NCBP3: variants seen among roughly 807,000 people sequenced by gnomAD.
NCBP3 encodes nuclear cap binding subunit 3.
In NCBP3, 20 loss-of-function variants were observed where a neutral mutation model predicts 75.7. The ratio of observed to expected loss-of-function variants is 0.26; its 90% confidence interval spans 0.19 to 0.38. NCBP3 has a LOEUF of 0.38. Ranked by LOEUF, NCBP3 falls within the 10% of genes least tolerant of loss-of-function variation. The pLI is 1.00. For missense variants in NCBP3, 678 were observed against 796.9 expected, an observed-to-expected ratio of 0.85 and a Z score of 1.80; for synonymous variants, 293 against 290.5, an observed-to-expected ratio of 1.01 and a Z score of -0.09.
intron 8 of NCBP3, 55 bp downstream of exon 8, chr17:3,821,898 A>G (rs984004216): frequency 2.7e-6 from 3 of 1,128,266 alleles, no homozygotes; most frequent in Non-Finnish European, 4.0e-6. Flanking sequence ...CGGAATACCA[A>G]CTGAAGGATT....
intron 7 of NCBP3, chr17:3,824,700 C>A: frequency 4.0e-6 from 1 of 252,616 alleles, no homozygotes; most frequent in Non-Finnish European, 7.5e-6. Context: ...TGAGGCAAAC[C>A]AGTTTCAACA....
At position 3,812,132 on chromosome 17, in the gene NCBP3, C is replaced by T. The variant is rs2053427647; in HGVS notation, c.*912G>A. 6.6e-6 allele frequency: 1 copy of T among 152,104 alleles called. No homozygotes were observed. The highest frequency in any genetic ancestry group is 1.5e-5 in the Non-Finnish European group (1 of 68,030). 9.4% of individuals were successfully genotyped at this position (152,104 alleles called of 1,614,324 possible). On this transcript the variant is annotated 3_prime_UTR_variant, in exon 13 of 13. Coordinates refer to ENST00000389005, the MANE Select transcript of NCBP3 (RefSeq NM_001114118.3). ...AGGAGCATTTAAAAATAATAAGACT[C>T]CTCTCTCTGCCTTCTTCCAAAGAAT... is the stretch of plus-strand genomic sequence containing the variant.
chr17:3,844,889 G>A (rs1019334830), intron 1 of NCBP3, among the ~76,000 whole-genome samples: 2 of 152,214 alleles, frequency 1.3e-5, no homozygotes, highest in Non-Finnish European at 2.9e-5. Flanking sequence ...AGCCGAGATC[G>A]CGCCATTGCG....
intron 7 of NCBP3, chr17:3,824,339 T>TACATACACACAC (rs1252860324): frequency 2.7e-5 from 4 of 148,608 alleles, no homozygotes; most frequent in East Asian, 1.9e-4. Flanking sequence ...CATACATACA[T>TACATACACACAC]ACATACACAC....
At chr17:3,832,723 T>C (rs1205367198) in intron 3 of NCBP3, among the ~76,000 whole-genome samples, 2 of 152,132 alleles carry the variant, frequency 1.3e-5, no homozygotes, top group East Asian at 3.8e-4. Context: ...TTAACAAAAT[T>C]TAAAAATTTT....
At chr17:3,842,381 C>T (rs1274209165) in intron 2 of NCBP3, among the ~76,000 whole-genome samples, 1 of 152,114 alleles carries the variant, frequency 6.6e-6, no homozygotes, top group Non-Finnish European at 1.5e-5. Flanking sequence ...GCCGAGATCG[C>T]ACCACTGCAC....
chr17:3,846,147 G>A lies in NCBP3; in HGVS notation c.77C>T (p.Pro26Leu). Residue 26 changes from proline (P) to leucine (L), a missense_variant, in exon 1 of 13, where the codon CCT becomes CTT. By Grantham distance (98) the Pro-to-Leu change is moderately conservative. Transcript: ENST00000389005. The surrounding 1 kb of genome is among the most constrained non-coding windows in gnomAD (Gnocchi z 4.6). ...ACGGTCAACACCGGACTCCGCCTCA[G>A]GGGACGGGAGCCCCAGGGCCGGCCC... is the stretch of plus-strand genomic sequence containing the variant. ...PAGPALGLPS[P>L]EAESGVDRGE... is the part of the protein sequence containing the mutation. The A allele has an allele frequency of 6.5e-7, 1 of 1,539,178 alleles. No individual in the cohort carries two copies. Among genetic ancestry groups the A allele is most frequent in the Non-Finnish European group, 8.8e-7 (1 of 1,142,024 alleles).
intron 9 of NCBP3, among the ~76,000 whole-genome samples, chr17:3,819,417 G>A (rs1430425061): frequency 3.3e-5 from 5 of 151,958 alleles, no homozygotes; most frequent in East Asian, 1.9e-4. Context: ...AAAATTAGCC[G>A]GGCATGGTGG....
chr17:3,845,432 A>G lies in NCBP3; in HGVS notation c.183+609T>C, dbSNP rs553866593. 2.6e-5 allele frequency among the ~76,000 whole-genome samples: 4 copies of G among 152,208 alleles called. No individual in the cohort carries two copies. In the South Asian group the frequency reaches 8.3e-4, roughly 32 times the overall value. Reference sequence around the variant, plus strand: ...GGTAAAGGAGGGACCAAGGATGTCTATTGGTCGTCTGCTAGTTTGCTTTCA... The same window carrying G: ...GGTAAAGGAGGGACCAAGGATGTCTGTTGGTCGTCTGCTAGTTTGCTTTCA... On this transcript the variant is annotated intron_variant, in intron 1 of 12. Coordinates refer to ENST00000389005, the MANE Select transcript of NCBP3 (RefSeq NM_001114118.3).
intron 1 of NCBP3, among the ~76,000 whole-genome samples, chr17:3,844,998 C>A (rs1397094125): frequency 1.3e-5 from 2 of 152,200 alleles, no homozygotes; most frequent in African/African-American, 4.8e-5. Flanking sequence ...ACCTGCTTCA[C>A]AACTGCAGTA....
rs1354493733 is a variant in NCBP3 at position 3,814,441 on chromosome 17, T to C, written c.1508A>G (p.Lys503Arg). 1 of 1,614,182 alleles carries C rather than the reference T, an allele frequency of 6.2e-7. No individual in the cohort carries two copies. The highest frequency in any genetic ancestry group is 8.5e-7 in the Non-Finnish European group (1 of 1,180,026). The change falls in exon 12 of 13, where the codon AAG (lysine) becomes AGG (arginine). Residue 503 changes from lysine (K) to arginine (R), a missense_variant. Physicochemically the swap from Lys to Arg is conservative, Grantham distance 26 (BLOSUM62 2). Around this residue, in one of 7 missense-constraint regions of NCBP3, gnomAD observed 365 missense variants for 392.7 expected, o/e 0.93. Coordinates refer to ENST00000389005, the MANE Select transcript of NCBP3 (RefSeq NM_001114118.3). ...AACGACGGGGTTACTACTAAAAGCC[T>C]TTTCCGGAGAATGTGGTCTTTTTCC... The part of the protein sequence containing the change: ...RLGKRPHSPE[K>R]AFSSNPVVRR...
In NCBP3 at chr17:3,812,884, T is replaced by C. The variant is rs552923095; in HGVS notation, c.*160A>G. ...AGATAGAGATGCCCTTGAAAATGTG[T>C]CACATTCTTAAGATGTCTTGCCGAA... is the stretch of plus-strand genomic sequence containing the variant. On this transcript the variant is annotated 3_prime_UTR_variant, in exon 13 of 13. Transcript: ENST00000389005. The C allele has an allele frequency of 6.2e-6, 9 of 1,443,912 alleles. No individual in the cohort carries two copies. In the Admixed American group the frequency reaches 2.3e-4, roughly 36 times the overall value. The allele number at this position is 1,443,912 out of a possible 1,614,324, so 89.4% of individuals were successfully genotyped here.
chr17:3,833,648 T>C (rs183381), intron 3 of NCBP3, among the ~76,000 whole-genome samples: 1 of 150,502 alleles, frequency 6.6e-6, no homozygotes, highest in Non-Finnish European at 1.5e-5. Flanking sequence ...CTATTTTTTT[T>C]AAAAAAAAAG....
chr17:3,815,843 A>AG (rs1482120710), intron 11 of NCBP3, among the ~76,000 whole-genome samples: 1 of 151,962 alleles, frequency 6.6e-6, no homozygotes. Context: ...TGGTATCTGT[A>AG]GGGGGCGGGG....
At chr17:3,843,255 T>TG (rs2054098671) in intron 1 of NCBP3, 104 bp from the exon 2 acceptor site, 1 of 915,528 alleles carries the variant, frequency 1.1e-6, no homozygotes, top group Admixed American at 2.5e-5. Context: ...TTTTTTTTTT[T>TG]TTTTGTTGGT....
intron 4 of NCBP3, 33 bp from the exon 5 acceptor site, chr17:3,826,248 G>A (rs1400268077): frequency 6.6e-7 from 1 of 1,514,696 alleles, no homozygotes; most frequent in Non-Finnish European, 8.9e-7. Context: ...ACATTACACA[G>A]CATGGAAATG....
chr17:3,844,878 G>C (rs538526300), intron 1 of NCBP3, among the ~76,000 whole-genome samples: 8 of 152,332 alleles, frequency 5.3e-5, no homozygotes, highest in Non-Finnish European at 7.4e-5. Context: ...AAGTTGCGGT[G>C]AGCCGAGATC....
At position 3,826,154 on chromosome 17, in the gene NCBP3, C is replaced by T; in HGVS notation, c.543G>A (p.Leu181=). 6.4e-7 allele frequency: 1 copy of T among 1,551,646 alleles called. No individual in the cohort carries two copies. The highest frequency in any genetic ancestry group is 8.7e-7 in the Non-Finnish European group (1 of 1,146,952). The part of the protein sequence containing the change: ...ATRALINMSS[L]PAQDKIRSRD... ...TGCTTCTGATCTTATCCTGTGCAGG[C>T]AGGGAGCTCATATTGATAAGTGCTC... The change falls in exon 5 of 13, where the codon CTG becomes CTA. Residue 181 remains leucine (L), a synonymous_variant. Transcript: ENST00000389005.
At chr17:3,819,312 C>T (rs1468811777) in intron 9 of NCBP3, among the ~76,000 whole-genome samples, 2 of 152,136 alleles carry the variant, frequency 1.3e-5, no homozygotes, top group African/African-American at 2.4e-5. Context: ...AATCCCAGCA[C>T]TTTGGGAGGC....
Sources: gnomAD v4.1 joint callset for allele counts (sites outside exome capture counted in the v4.1 genomes callset) on GRCh38, gnomAD v4.1.1 for gene constraint, gnomAD v4.1.1 regional missense constraint, Gnocchi (gnomAD v3.1) non-coding constraint, MANE v1.5 for transcripts, NCBI Gene and HGNC (gene_info 2026-07-23, HGNC 2026-07-21) for gene names.